SHISAL2B: variants seen among roughly 807,000 people sequenced by gnomAD.
SHISAL2B encodes shisa like 2B.
In SHISAL2B, 12 loss-of-function variants were observed where a neutral mutation model predicts 16.5. The ratio of observed to expected loss-of-function variants is 0.73; its 90% CI spans 0.47 to 1.18. SHISAL2B has a LOEUF of 1.18. Ranked by LOEUF, SHISAL2B falls within the 50% of genes most tolerant of loss-of-function variation. SHISAL2B has a pLI of 0.00. For synonymous variants in SHISAL2B, 72 were observed against 75.0 expected (o/e 0.96, Z 0.21); for missense variants, 183 against 193.6 (o/e 0.95, Z 0.33).
At chr5:64,695,473 T>C (rs1452693261) in intron 1 of SHISAL2B, 34 bp from the exon 2 acceptor site, 2 of 1,486,928 alleles carry the variant, frequency 1.3e-6, no homozygotes, top group Admixed American at 4.4e-5. Context: ...TGAACCACTT[T>C]GTGTGACACA....
chr5:64,707,406 G>T (rs1741888754), intron 2 of SHISAL2B, among the ~76,000 whole-genome samples: 1 of 152,154 alleles, frequency 6.6e-6, no homozygotes, highest in Admixed American at 6.5e-5. Context: ...CAGGTTAGGA[G>T]CCCTCTACGG....
chr5:64,709,251 T>G (rs1429136063), intron 2 of SHISAL2B, among the ~76,000 whole-genome samples: 1 of 144,800 alleles, frequency 6.9e-6, no homozygotes, highest in Non-Finnish European at 1.5e-5. Flanking sequence ...TGTGATCTCA[T>G]TGTTCAATTC....
chr5:64,707,783 A>T (rs1741894406), intron 2 of SHISAL2B, among the ~76,000 whole-genome samples: 1 of 152,236 alleles, frequency 6.6e-6, no homozygotes, highest in African/African-American at 2.4e-5. Context: ...CAACATTTTA[A>T]GCAAAAAGTC....
chr5:64,708,468 T>C (rs1025057718), intron 2 of SHISAL2B, among the ~76,000 whole-genome samples: 2 of 152,154 alleles, frequency 1.3e-5, no homozygotes, highest in African/African-American at 4.8e-5. Flanking sequence ...CTTTATTCTT[T>C]GAGAGAAAAG....
At chr5:64,706,153 C>T (rs2367002) in intron 2 of SHISAL2B, among the ~76,000 whole-genome samples, 152,090 of 152,352 alleles carry the variant, frequency 1, 75,920 homozygotes, top group Middle Eastern at 1. Context: ...AGCAAGACTG[C>T]GTCTTAAACA....
At chr5:64,693,209 A>C (rs59167602) in intron 1 of SHISAL2B, among the ~76,000 whole-genome samples, 2 of 151,752 alleles carry the variant, frequency 1.3e-5, no homozygotes, top group Non-Finnish European at 2.9e-5. Context: ...GGGTTTCACC[A>C]TGTTAGCCAG....
rs201719737 is a variant in SHISAL2B, at chr5:64,717,292, CATTA to C, written c.350-592_350-589del. On this transcript the variant is annotated intron_variant, in intron 2 of 2. Coordinates refer to ENST00000389074, the MANE Select transcript of SHISAL2B (RefSeq NM_001164442.2). ...GTTATTTTCTATTGGTGAAATGATA[CATTA>C]ATTATTTCTACAATCATTCAACTTT... is the stretch of plus-strand genomic sequence containing the variant. Among the ~76,000 whole-genome samples, 1,045 of 152,278 alleles carry C rather than the reference CATTA, an allele frequency of 6.9e-3. 10 individuals carry two copies. Among genetic ancestry groups the C allele is most frequent in the African/African-American group, 0.024 (1,012 of 41,550 alleles).
Position 64,690,603 on chromosome 5 carries a change from C to T in SHISAL2B, c.-21C>T, listed in dbSNP as rs1420112486. The T allele has an allele frequency of 2.1e-6, 3 of 1,448,128 alleles. No homozygotes were observed. The highest frequency in any genetic ancestry group is 4.6e-5 in the Admixed American group (2 of 43,032). The allele number at this position is 1,448,128 out of a possible 1,614,324, so 89.7% of individuals were successfully genotyped here. On this transcript the variant is annotated 5_prime_UTR_variant, in exon 1 of 3. Transcript: ENST00000389074. Reference sequence around the variant, plus strand: ...AGAGCAGACCGGGGCCCTCGCGAGCCTCTCCCGGCCCCTGCCCGCGATGAG... The same window carrying T: ...AGAGCAGACCGGGGCCCTCGCGAGCTTCTCCCGGCCCCTGCCCGCGATGAG...
intron 2 of SHISAL2B, among the ~76,000 whole-genome samples, chr5:64,704,155 A>G (rs1741846091): frequency 1.3e-5 from 2 of 152,214 alleles, no homozygotes; most frequent in African/African-American, 4.8e-5. Context: ...CTAGGAGGAC[A>G]TTCGCAGATG....
intron 2 of SHISAL2B, among the ~76,000 whole-genome samples, chr5:64,697,463 C>T (rs932778365): frequency 6.6e-6 from 1 of 152,108 alleles, no homozygotes; most frequent in African/African-American, 2.4e-5. Flanking sequence ...CCTATTATTT[C>T]TCAAACATCA....
At chr5:64,691,660 T>C (rs1741652910) in intron 1 of SHISAL2B, 1 of 152,236 alleles carries the variant, frequency 6.6e-6, no homozygotes, top group Admixed American at 6.5e-5. Flanking sequence ...ATTTTACTTA[T>C]TCCAACTAGT....
chr5:64,707,622 C>T, intron 2 of SHISAL2B, among the ~76,000 whole-genome samples: 1 of 152,176 alleles, frequency 6.6e-6, no homozygotes, highest in East Asian at 1.9e-4. Flanking sequence ...GTTAAGAAAA[C>T]TCACAAATAG....
At chr5:64,703,053 C>A (rs1246882929) in intron 2 of SHISAL2B, among the ~76,000 whole-genome samples, 2 of 152,140 alleles carry the variant, frequency 1.3e-5, no homozygotes, top group African/African-American at 4.8e-5. Context: ...AGTTTCTTGG[C>A]TAGTCTAGTA....
chr5:64,715,176 G>T (rs1742028043), intron 2 of SHISAL2B, among the ~76,000 whole-genome samples: 1 of 151,938 alleles, frequency 6.6e-6, no homozygotes, highest in South Asian at 2.1e-4. Flanking sequence ...TTTACTTATA[G>T]AAAGGTATCT....
intron 1 of SHISAL2B, among the ~76,000 whole-genome samples, chr5:64,692,104 C>T (rs1435638364): frequency 6.6e-6 from 1 of 152,050 alleles, no homozygotes; most frequent in Non-Finnish European, 1.5e-5. Context: ...GATAGCTTAT[C>T]CTTAGTAGAT....
At chr5:64,695,752 A>T (rs1443875414) in intron 2 of SHISAL2B, 88 bp downstream of exon 2, 5 of 1,007,294 alleles carry the variant, frequency 5.0e-6, no homozygotes, top group Non-Finnish European at 6.7e-6. Flanking sequence ...GTTAACAATG[A>T]ATGCTTTTTA....
At position 64,696,192 on chromosome 5, in the gene SHISAL2B, G is replaced by A. The variant is rs148560793; in HGVS notation, c.349+528G>A. On this transcript the variant is annotated intron_variant, in intron 2 of 2. Transcript: ENST00000389074. The stretch of plus-strand genomic sequence containing the variant: ...ATTGTGAAGATTTCATTTTAATATG[G>A]ACATTTATAAGTTCCCCAAATTAAT... Among the ~76,000 whole-genome samples, 613 of 152,232 alleles carry A rather than the reference G, an allele frequency of 4.0e-3. 2 individuals carry two copies. Among genetic ancestry groups the A allele is most frequent in the African/African-American group, 0.014 (570 of 41,536 alleles).
At chr5:64,695,846 G>C (rs903144616) in intron 2 of SHISAL2B, among the ~76,000 whole-genome samples, 182 bp downstream of exon 2, 2 of 152,192 alleles carry the variant, frequency 1.3e-5, no homozygotes, top group Admixed American at 6.5e-5. Flanking sequence ...AAATTGTGCT[G>C]AAGGAAAAAT....
At chr5:64,704,662 A>G (rs947654151) in intron 2 of SHISAL2B, among the ~76,000 whole-genome samples, 1 of 152,206 alleles carries the variant, frequency 6.6e-6, no homozygotes, top group Non-Finnish European at 1.5e-5. Flanking sequence ...CTGCAATGAT[A>G]TTACAGATTT....
Sources: gnomAD v4.1 joint callset for allele counts (sites outside exome capture counted in the v4.1 genomes callset) on GRCh38, gnomAD v4.1.1 for gene constraint, MANE v1.5 for transcripts, NCBI Gene and HGNC (gene_info 2026-07-23, HGNC 2026-07-21) for gene names.